Variants in ARMH3 observed in about 807,000 individuals in gnomAD.
The protein encoded by ARMH3 is armadillo-like helical domain-containing protein 3.
In ARMH3, 60 loss-of-function variants were observed where a neutral mutation model predicts 99.1. The ratio of observed to expected loss-of-function variants is 0.61; its 90% confidence interval spans 0.49 to 0.75. The LOEUF is 0.75. Among genes scored for constraint, ARMH3 ranks in the 30% least tolerant of loss-of-function variants. The probability of loss-of-function intolerance (pLI) is 0.00; values close to 1 mark genes in which losing one functional copy is unlikely to be tolerated. For missense variants in ARMH3, 679 were observed against 843.1 expected (o/e 0.81, Z 2.41); for synonymous variants, 285 against 292.8 (o/e 0.97, Z 0.27).
chr10:102,021,270 G>C (rs2066878955), intron 8 of ARMH3, among the ~76,000 whole-genome samples: 1 of 151,870 alleles, frequency 6.6e-6, no homozygotes, highest in South Asian at 2.1e-4. Flanking sequence ...AATATAGATG[G>C]AGTTTTGCCA....
chr10:102,013,972 A>G lies in ARMH3; in HGVS notation c.722T>C (p.Leu241Pro). ...CACAAGGATCCAGATACTCACATTG[A>G]GTGTGGCCTCATCATCCACGATAGA... ...KLSIVDDEAT[L>P]NGMGLVIAQA... Residue 241 changes from leucine to proline, a missense_variant, in exon 9 of 26, where the codon CTC becomes CCC. This residue lies in a region of ARMH3 where 280 missense variants were observed against 354.6 expected (regional missense o/e 0.79). Transcript: ENST00000370033. 6.2e-7 allele frequency: 1 copy of G among 1,606,834 alleles called. No homozygotes were observed. Among genetic ancestry groups the G allele is most frequent in the Non-Finnish European group, 8.5e-7 (1 of 1,175,074 alleles).
At chr10:101,889,765 T>G (rs549766751) in intron 23 of ARMH3, 1 of 382,364 alleles carries the variant, frequency 2.6e-6, no homozygotes, top group Admixed American at 3.7e-5. Flanking sequence ...AACAAAAATA[T>G]TGAGTCCTTC....
intron 24 of ARMH3, among the ~76,000 whole-genome samples, chr10:101,870,107 G>A (rs527396613): frequency 6.6e-6 from 1 of 152,214 alleles, no homozygotes; most frequent in East Asian, 1.9e-4. Context: ...TAATAAAATT[G>A]ACAAACCTCT....
At chr10:101,932,577 C>T (rs1428732618) in intron 23 of ARMH3, among the ~76,000 whole-genome samples, 1 of 152,200 alleles carries the variant, frequency 6.6e-6, no homozygotes, top group Non-Finnish European at 1.5e-5. Flanking sequence ...CAATATTATT[C>T]ACCCTTAAAA....
chr10:101,889,341 T>C (rs931433843), intron 24 of ARMH3, 71 bp downstream of exon 24: 42 of 1,404,354 alleles, frequency 3.0e-5, no homozygotes, highest in Non-Finnish European at 4.0e-5. Context: ...AGAATCCCCC[T>C]GCCATCAGAG....
At chr10:101,849,598 C>T (rs2066539246) in intron 25 of ARMH3, among the ~76,000 whole-genome samples, 178 bp downstream of exon 25, 1 of 152,202 alleles carries the variant, frequency 6.6e-6, no homozygotes, top group Non-Finnish European at 1.5e-5. Flanking sequence ...GTAGGCAATA[C>T]TACCTCGAAT....
intron 23 of ARMH3, among the ~76,000 whole-genome samples, chr10:101,938,841 C>T (rs112678783): frequency 0.01 from 1,553 of 152,306 alleles, 28 homozygotes; most frequent in African/African-American, 0.031. Flanking sequence ...GGCAGACCAA[C>T]CTTCACTGCA....
intron 22 of ARMH3, among the ~76,000 whole-genome samples, chr10:101,952,221 C>G (rs532742990): frequency 1.3e-5 from 2 of 152,092 alleles, no homozygotes; most frequent in Admixed American, 6.5e-5. Flanking sequence ...CTACCTTAAC[C>G]AAGTGATCAA....
intron 20 of ARMH3, among the ~76,000 whole-genome samples, chr10:101,961,073 T>C (rs969501888): frequency 1.1e-4 from 16 of 152,194 alleles, no homozygotes; most frequent in Admixed American, 6.5e-5. Context: ...GTCATTTTCA[T>C]GTATTTGGTC....
chr10:102,052,751 A>G (rs914013779), intron 1 of ARMH3, among the ~76,000 whole-genome samples: 2 of 151,296 alleles, frequency 1.3e-5, no homozygotes, highest in African/African-American at 4.9e-5. Flanking sequence ...TAAAATAAAC[A>G]TTTTTTTTTC....
intron 24 of ARMH3, among the ~76,000 whole-genome samples, chr10:101,872,404 A>C (rs150597041): frequency 6.6e-6 from 1 of 152,296 alleles, no homozygotes; most frequent in Non-Finnish European, 1.5e-5. Flanking sequence ...GGCCACATAA[A>C]AAGCTGCTCT....
rs2066459985 is a variant in ARMH3 at position 101,845,997 on chromosome 10, AG to A, written c.*1530del. ...GAGGGCTTTAGAAAGTGCTTTAAAAAGGGAGGATCTCGAAGCAGCAGCTATT... is the reference window on the plus strand; with the variant it reads ...GAGGGCTTTAGAAAGTGCTTTAAAAAGGAGGATCTCGAAGCAGCAGCTATT... On this transcript the variant is annotated 3_prime_UTR_variant, in exon 26 of 26. Transcript: ENST00000370033. 1.3e-5 allele frequency: 2 copies of A among 152,252 alleles called. No homozygotes were observed. The highest frequency in any genetic ancestry group is 1.3e-4 in the Admixed American group (2 of 15,286). The allele number at this position is 152,252 out of a possible 1,614,324, so 9.4% of individuals were successfully genotyped here.
chr10:101,869,071 CAAAA>C (rs760328201), intron 24 of ARMH3, among the ~76,000 whole-genome samples: 2 of 60,140 alleles, frequency 3.3e-5, no homozygotes, highest in Non-Finnish European at 3.4e-5. Context: ...GACTCTGTCT[CAAAA>C]AAAAAAAAAA....
At chr10:101,891,045 T>C (rs1194725394) in intron 23 of ARMH3, among the ~76,000 whole-genome samples, 2 of 152,044 alleles carry the variant, frequency 1.3e-5, no homozygotes, top group African/African-American at 4.8e-5. Context: ...TGGCTAATTT[T>C]TGTATTTTTT....
chr10:101,860,954 A>C (rs2066851027), intron 24 of ARMH3, among the ~76,000 whole-genome samples: 1 of 152,224 alleles, frequency 6.6e-6, no homozygotes, highest in Non-Finnish European at 1.5e-5. Flanking sequence ...AGACAACAAA[A>C]TCTAGCACTT....
At chr10:101,971,540 G>A (rs1426473607) in intron 20 of ARMH3, among the ~76,000 whole-genome samples, 1 of 152,010 alleles carries the variant, frequency 6.6e-6, no homozygotes, top group Non-Finnish European at 1.5e-5. Flanking sequence ...AACAGAGTGA[G>A]ACTCTTTCTC....
At chr10:101,917,049 T>C (rs1330477025) in intron 23 of ARMH3, among the ~76,000 whole-genome samples, 1 of 152,228 alleles carries the variant, frequency 6.6e-6, no homozygotes, top group Non-Finnish European at 1.5e-5. Context: ...CAACTTGGCC[T>C]CCATAATCAT....
At chr10:101,852,990 C>T (rs1432664974) in intron 24 of ARMH3, among the ~76,000 whole-genome samples, 3 of 151,530 alleles carry the variant, frequency 2.0e-5, no homozygotes, top group Non-Finnish European at 2.9e-5. Flanking sequence ...TTCAAGCGAT[C>T]CTCCTGCCTC....
At chr10:101,954,990 G>C (rs74779182) in intron 22 of ARMH3, among the ~76,000 whole-genome samples, 1 of 152,070 alleles carries the variant, frequency 6.6e-6, no homozygotes, top group Admixed American at 6.6e-5. Context: ...TCCTTTTCTC[G>C]TTGAAAAGCA....
Sources: gnomAD v4.1 joint callset for allele counts (sites outside exome capture counted in the v4.1 genomes callset) on GRCh38, gnomAD v4.1.1 for gene constraint, gnomAD v4.1.1 regional missense constraint, MANE v1.5 for transcripts, NCBI Gene and HGNC (gene_info 2026-07-23, HGNC 2026-07-21) for gene names.